Variants in PPIL2 observed in about 807,000 individuals in gnomAD.
The protein encoded by PPIL2 is RING-type E3 ubiquitin-protein ligase PPIL2.
Under a neutral mutation model 75.2 loss-of-function variants are expected in PPIL2, and 50 were observed. The observed-to-expected ratio is 0.66, with a 90% confidence interval of 0.53 to 0.84. The LOEUF (loss-of-function observed/expected upper bound fraction) is 0.84. Among genes scored for constraint, PPIL2 ranks in the 40% least tolerant of loss-of-function variants. The pLI, the probability that PPIL2 is intolerant of heterozygous loss-of-function variation, is 0.00. For missense variants in PPIL2, 590 were observed against 685.0 expected (o/e 0.86, Z 1.55); for synonymous variants, 245 against 258.8 (o/e 0.95, Z 0.51).
chr22:21,671,122 G>A, intron 4 of PPIL2, 63 bp downstream of exon 4: 2 of 1,512,946 alleles, frequency 1.3e-6, no homozygotes, highest in Non-Finnish European at 1.8e-6. Context: ...TTAAGGAAGG[G>A]GACCCTTGGT....
At chr22:21,692,439 C>G (rs1294831956) in intron 15 of PPIL2, among the ~76,000 whole-genome samples, 1 of 151,442 alleles carries the variant, frequency 6.6e-6, no homozygotes, top group Non-Finnish European at 1.5e-5. Context: ...CAGGCGTGAG[C>G]CACTGTGCCT....
intron 6 of PPIL2, among the ~76,000 whole-genome samples, chr22:21,675,663 T>C (rs2066811131): frequency 6.6e-6 from 1 of 152,246 alleles, no homozygotes; most frequent in South Asian, 2.1e-4. Context: ...AAGCTGCTAG[T>C]GGCCTTTGTG....
chr22:21,696,834 G>T lies in PPIL2; in HGVS notation c.*1344G>T. The T allele has an allele frequency of 6.4e-7, 1 of 1,563,652 alleles. No homozygotes were observed. ...GCCTGAGCCCTTTGTCTCCCTGGAT[G>T]CTGGGTGGCGCCTCATCTGCATCTC... On this transcript the variant is annotated 3_prime_UTR_variant, in exon 20 of 20. Transcript: ENST00000398831.
intron 17 of PPIL2, 34 bp downstream of exon 17, chr22:21,694,699 G>A: frequency 1.2e-6 from 2 of 1,613,332 alleles, no homozygotes; most frequent in Non-Finnish European, 1.7e-6. Context: ...GTGGCGGCTG[G>A]GGGCCAGGCA....
At chr22:21,679,739 C>A (rs887246438) in intron 6 of PPIL2, among the ~76,000 whole-genome samples, 5 of 151,766 alleles carry the variant, frequency 3.3e-5, no homozygotes, top group Non-Finnish European at 5.9e-5. Flanking sequence ...TAACTTGAGG[C>A]TCTAACTAAT....
At chr22:21,675,868 C>T (rs11913272) in intron 6 of PPIL2, among the ~76,000 whole-genome samples, 1 of 152,238 alleles carries the variant, frequency 6.6e-6, no homozygotes, top group African/African-American at 2.4e-5. Flanking sequence ...CAGCCCAGTG[C>T]TGCGGCTCCT....
At chr22:21,695,302 G>T (rs1569049531) in intron 19 of PPIL2, 92 bp from the exon 20 acceptor site, 3 of 1,429,650 alleles carry the variant, frequency 2.1e-6, no homozygotes, top group Non-Finnish European at 1.9e-6. Context: ...GGGAGGGGTT[G>T]GGCCTACACC....
chr22:21,695,377 G>A lies in PPIL2; in HGVS notation c.1467-17G>A. On this transcript the variant is annotated splice_polypyrimidine_tract_variant and intron_variant, in intron 19 of 19. Coordinates refer to ENST00000398831, the MANE Select transcript of PPIL2 (RefSeq NM_014337.4). ...TGAGGGAGGGTGTGGGCTCCCAGCG[G>A]CTTCTTCTCTTCCCAGGAAGCGAGC... 5 of 1,590,330 alleles carry A rather than the reference G, an allele frequency of 3.1e-6. No individual in the cohort carries two copies. The highest frequency in any genetic ancestry group is 4.3e-6 in the Non-Finnish European group (5 of 1,168,210).
Position 21,686,651 on chromosome 22 carries a change from A to G in PPIL2, c.790+93A>G. The G allele has an allele frequency of 3.0e-6, 4 of 1,324,824 alleles. No individual in the cohort carries two copies. The South Asian group carries it at 4.9e-5, about 16-fold the overall frequency. 82.1% of individuals were successfully genotyped at this position (1,324,824 alleles called of 1,614,324 possible). The stretch of plus-strand genomic sequence containing the variant: ...CCGACTCCCACTTTATTGGTCTGTC[A>G]GGGGCTCCCACTGTCACCTGAGCCC... On this transcript the variant is annotated intron_variant, in intron 11 of 19. Transcript: ENST00000398831.
chr22:21,694,264 C>T lies in PPIL2; in HGVS notation c.1197-329C>T, dbSNP rs558336926. On this transcript the variant is annotated intron_variant, in intron 16 of 19. Coordinates refer to ENST00000398831, the MANE Select transcript of PPIL2 (RefSeq NM_014337.4). The stretch of plus-strand genomic sequence containing the variant: ...TGGAAGCAGCACGAAACAGGGTGGA[C>T]GCAGGTGATGTGGTTCTGGCCAAGT... Among the ~76,000 whole-genome samples the T allele has an allele frequency of 3.9e-5, 6 of 152,234 alleles. No individual in the cohort carries two copies. The South Asian group carries it at 1.2e-3, about 32-fold the overall frequency.
chr22:21,683,000 C>T (rs542298577), intron 8 of PPIL2, among the ~76,000 whole-genome samples, 182 bp from the exon 9 acceptor site: 3 of 152,316 alleles, frequency 2.0e-5, no homozygotes, highest in South Asian at 4.1e-4. Context: ...CTGCCCCTGC[C>T]CCTGTTTGCT....
intron 1 of PPIL2, among the ~76,000 whole-genome samples, chr22:21,669,072 A>G (rs2066518098): frequency 6.8e-6 from 1 of 147,018 alleles, no homozygotes; most frequent in African/African-American, 2.6e-5. Context: ...AATGGTCTCC[A>G]TCTCCTGACC....
chr22:21,699,332 C>T (rs78285452), downstream of PPIL2: 1,064 of 152,860 alleles, frequency 7.0e-3, 4 homozygotes, highest in Admixed American at 0.015. Context: ...TCTGCTGCCC[C>T]TCGGTCCCCC....
intron 15 of PPIL2, among the ~76,000 whole-genome samples, chr22:21,691,863 G>T (rs558239930): frequency 6.6e-5 from 10 of 152,176 alleles, no homozygotes; most frequent in Non-Finnish European, 1.2e-4. Context: ...TCACATCTGC[G>T]GACACTTGTC....
intron 5 of PPIL2, among the ~76,000 whole-genome samples, chr22:21,673,183 G>A (rs1458506172): frequency 6.6e-6 from 1 of 152,190 alleles, no homozygotes; most frequent in Non-Finnish European, 1.5e-5. Flanking sequence ...CCTTAGGGAG[G>A]GCACTCTTCT....
Position 21,688,833 on chromosome 22 carries a change from A to G in PPIL2, c.1123A>G (p.Ser375Gly), listed in dbSNP as rs764106642. The change falls in exon 15 of 20, where the codon AGC (serine) becomes GGC (glycine). Residue 375 changes from serine (S) to glycine (G), a missense_variant. Physicochemically the swap from Ser to Gly is moderately conservative, Grantham distance 56. Transcript: ENST00000398831. Reference sequence around the variant, plus strand: ...CAGCATGGCCAACTCCGGGCCCAACAGCAACAGGTCTCAATTGTGAGTCAG... The same window carrying G: ...CAGCATGGCCAACTCCGGGCCCAACGGCAACAGGTCTCAATTGTGAGTCAG... The part of the protein sequence containing the change: ...ILSMANSGPN[S>G]NRSQFFITFR... 2.5e-6 allele frequency: 4 copies of G among 1,614,060 alleles called. No homozygotes were observed. The highest frequency in any genetic ancestry group is 3.4e-6 in the Non-Finnish European group (4 of 1,180,004).
chr22:21,682,593 G>T, intron 8 of PPIL2, 67 bp downstream of exon 8: 1 of 1,191,820 alleles, frequency 8.4e-7, no homozygotes, highest in South Asian at 1.3e-5. Flanking sequence ...GCCTCTACAG[G>T]GCCCTACCCC....
At chr22:21,676,950 CT>C (rs2066887037) in intron 6 of PPIL2, among the ~76,000 whole-genome samples, 1 of 150,622 alleles carries the variant, frequency 6.6e-6, no homozygotes, top group Admixed American at 6.6e-5. Context: ...AGAGGCGCCC[CT>C]ACCTCCCGGA....
chr22:21,679,234 G>T (rs1178027717), intron 6 of PPIL2, among the ~76,000 whole-genome samples: 18 of 151,710 alleles, frequency 1.2e-4, no homozygotes, highest in Non-Finnish European at 4.4e-5. Context: ...TAGAGATGAG[G>T]TTTCCCTATG....
Sources: gnomAD v4.1 joint callset for allele counts (sites outside exome capture counted in the v4.1 genomes callset) on GRCh38, gnomAD v4.1.1 for gene constraint, MANE v1.5 for transcripts, NCBI Gene and HGNC (gene_info 2026-07-23, HGNC 2026-07-21) for gene names.